The following PRKCQ variants were observed in gnomAD, a reference collection of about 807,000 sequenced individuals.
The protein encoded by PRKCQ is protein kinase C theta type.
PRKCQ carries 41 observed loss-of-function variants against 91.2 expected under a neutral mutation model. The observed-to-expected ratio is 0.45, with a 90% CI of 0.35 to 0.58. PRKCQ has a LOEUF of 0.58. PRKCQ is among the 20% of genes least tolerant of loss of function. The pLI, the probability that PRKCQ is intolerant of heterozygous loss-of-function variation, is 0.00. For missense variants in PRKCQ, 673 were observed against 896.5 expected, an observed-to-expected ratio of 0.75 and a Z score of 3.18; for synonymous variants, 307 against 316.9, an observed-to-expected ratio of 0.97 and a Z score of 0.33.
At chr10:6,407,470 A>T in the PRKCQ span, among the ~76,000 whole-genome samples, 1 of 148,858 alleles carries the variant, frequency 6.7e-6, no homozygotes, top group East Asian at 2.0e-4. This position sits in a 1 kb window ranked among gnomAD's most constrained non-coding sequence, Gnocchi z 4.0. Context: ...GTACATGTTC[A>T]GTGTGTGTGT....
chr10:6,486,529 G>A (rs1036491727), intron 8 of PRKCQ, among the ~76,000 whole-genome samples: 1 of 152,228 alleles, frequency 6.6e-6, no homozygotes, highest in African/African-American at 2.4e-5. Flanking sequence ...GGTATAAATA[G>A]GATTGCAGCA....
At chr10:6,516,509 G>C (rs541492928) in intron 1 of PRKCQ, among the ~76,000 whole-genome samples, 1 of 152,134 alleles carries the variant, frequency 6.6e-6, no homozygotes, top group African/African-American at 2.4e-5. Flanking sequence ...AGGCAGGAGC[G>C]GGGCTAACAG....
chr10:6,441,945 T>C lies in PRKCQ; in HGVS notation c.1784A>G (p.Asn595Ser), dbSNP rs200988366. The C allele has an allele frequency of 8.7e-5, 140 of 1,613,710 alleles. No homozygotes were observed. The East Asian group carries it at 3.1e-3, about 35-fold the overall frequency. Residue 595 changes from asparagine (N) to serine (S), a missense_variant, in exon 16 of 18, where the codon AAT (asparagine) becomes AGT (serine). By Grantham distance (46) the Asn-to-Ser change is conservative (BLOSUM62 1). Coordinates refer to ENST00000263125, the MANE Select transcript of PRKCQ (RefSeq NM_006257.5). Reference sequence around the variant, plus strand: ...CTCCAGCCACCGTGGGTAAAAGGGATTGTCCATGCGGATGGAGTGGAAGAG... The same window carrying C: ...CTCCAGCCACCGTGGGTAAAAGGGACTGTCCATGCGGATGGAGTGGAAGAG... ...EELFHSIRMD[N>S]PFYPRWLEKE... is the part of the protein sequence containing the mutation.
chr10:6,404,261 A>G, the PRKCQ span, among the ~76,000 whole-genome samples: 42 of 134,396 alleles, frequency 3.1e-4, no homozygotes, highest in Admixed American at 1.2e-3. Context: ...GGGGGGAGAG[A>G]GAGAGAGAGA....
intron 4 of PRKCQ, 91 bp downstream of exon 4, chr10:6,507,345 T>C: frequency 7.9e-7 from 1 of 1,271,240 alleles, no homozygotes; most frequent in Non-Finnish European, 1.1e-6. Context: ...CTGATTCTCT[T>C]CTACAATAAT....
intron 1 of PRKCQ, among the ~76,000 whole-genome samples, chr10:6,517,346 T>C (rs1401933930): frequency 6.6e-6 from 1 of 152,044 alleles, no homozygotes; most frequent in Non-Finnish European, 1.5e-5. Context: ...TTTGTGTTTT[T>C]TTTTTTCTTA....
intron 12 of PRKCQ, among the ~76,000 whole-genome samples, 165 bp downstream of exon 12, chr10:6,478,827 T>C (rs1836414144): frequency 6.6e-6 from 1 of 152,142 alleles, no homozygotes; most frequent in Non-Finnish European, 1.5e-5. Context: ...TTCTAAGTAA[T>C]ACTTCCATGG....
chr10:6,396,274 T>C, the PRKCQ span, among the ~76,000 whole-genome samples: 1 of 152,224 alleles, frequency 6.6e-6, no homozygotes, highest in South Asian at 2.1e-4. Flanking sequence ...ACAAGTTTTA[T>C]TGAGATACAA....
At chr10:6,534,981 T>G (rs1394290679) in intron 1 of PRKCQ, among the ~76,000 whole-genome samples, 2 of 152,130 alleles carry the variant, frequency 1.3e-5, no homozygotes, top group Non-Finnish European at 2.9e-5. Context: ...TTTCATATAT[T>G]TATTCGGTTT....
At chr10:6,418,876 A>G in the PRKCQ span, among the ~76,000 whole-genome samples, 1 of 147,042 alleles carries the variant, frequency 6.8e-6, no homozygotes, top group Non-Finnish European at 1.5e-5. Context: ...ATCTGTCTCC[A>G]TATTATTTGT....
chr10:6,475,886 G>T (rs1388874586), intron 12 of PRKCQ, among the ~76,000 whole-genome samples: 1 of 152,150 alleles, frequency 6.6e-6, no homozygotes, highest in East Asian at 1.9e-4. Context: ...TTTCTAAAAG[G>T]ACTCAGTTCC....
At chr10:6,455,918 A>G (rs1834976161) in intron 15 of PRKCQ, among the ~76,000 whole-genome samples, 1 of 152,224 alleles carries the variant, frequency 6.6e-6, no homozygotes, top group South Asian at 2.1e-4. Context: ...ATGACTGCAG[A>G]GCAAATATCC....
At chr10:6,439,915 G>C (rs1038025759) in intron 16 of PRKCQ, among the ~76,000 whole-genome samples, 1 of 152,038 alleles carries the variant, frequency 6.6e-6, no homozygotes, top group Admixed American at 6.5e-5. Context: ...TGGCTGATAT[G>C]GTTTGGCTTT....
At chr10:6,512,446 G>A (rs1776007046) in intron 2 of PRKCQ, among the ~76,000 whole-genome samples, 2 of 152,330 alleles carry the variant, frequency 1.3e-5, no homozygotes, top group South Asian at 2.1e-4. Flanking sequence ...CCCTAAAGCC[G>A]CTCTGTGATT....
At chr10:6,469,564 A>G (rs1159480526) in intron 12 of PRKCQ, among the ~76,000 whole-genome samples, 1 of 152,174 alleles carries the variant, frequency 6.6e-6, no homozygotes, top group Non-Finnish European at 1.5e-5. Flanking sequence ...GGAATGAACA[A>G]TTTTCCAATT....
chr10:6,442,716 C>T (rs1420035520), intron 15 of PRKCQ, among the ~76,000 whole-genome samples: 2 of 152,190 alleles, frequency 1.3e-5, no homozygotes, highest in African/African-American at 2.4e-5. Flanking sequence ...AATTCCAGCA[C>T]TTTGGGAGGC....
the PRKCQ span, among the ~76,000 whole-genome samples, chr10:6,395,820 C>T: frequency 2.0e-5 from 3 of 152,068 alleles, no homozygotes; most frequent in Non-Finnish European, 2.9e-5. Flanking sequence ...GTTTCATTAC[C>T]AACATTGCCG....
chr10:6,404,247 A>AGGGG, the PRKCQ span, among the ~76,000 whole-genome samples: 10 of 57,058 alleles, frequency 1.8e-4, no homozygotes, highest in African/African-American at 4.8e-4. Flanking sequence ...AAGGGAGAGA[A>AGGGG]GGGGGGGGGA....
At chr10:6,459,714 T>C (rs1336654285) in intron 14 of PRKCQ, among the ~76,000 whole-genome samples, 1 of 152,156 alleles carries the variant, frequency 6.6e-6, no homozygotes, top group African/African-American at 2.4e-5. Context: ...AGAGACTGGG[T>C]GATGCAGCCA....
Sources: gnomAD v4.1 joint callset for allele counts (sites outside exome capture counted in the v4.1 genomes callset) on GRCh38, gnomAD v4.1.1 for gene constraint, Gnocchi (gnomAD v3.1) non-coding constraint, MANE v1.5 for transcripts, NCBI Gene and HGNC (gene_info 2026-07-23, HGNC 2026-07-21) for gene names.